ANKRD26: variants seen among roughly 807,000 people sequenced by gnomAD.
ANKRD26 encodes ankyrin repeat domain-containing protein 26.
In ANKRD26, 141 loss-of-function variants were observed where a neutral mutation model predicts 208.7. That is an observed-to-expected ratio of 0.68 (90% CI 0.59 to 0.78). The LOEUF (loss-of-function observed/expected upper bound fraction) is 0.78. ANKRD26 is among the 30% of genes least tolerant of loss of function. The pLI, the probability that ANKRD26 is intolerant of heterozygous loss-of-function variation, is 0.00. For synonymous variants in ANKRD26, 636 were observed against 660.4 expected, an observed-to-expected ratio of 0.96 and a Z score of 0.57; for missense variants, 1,889 against 1,938.7, an observed-to-expected ratio of 0.97 and a Z score of 0.48.
In ANKRD26 at chr10:26,978,772, G is replaced by A. The variant is rs572713385; in HGVS notation, c.*281+1804C>T. Among the ~76,000 whole-genome samples, 37 of 152,134 alleles carry A rather than the reference G, an allele frequency of 2.4e-4. 2 individuals are homozygous for A. Among genetic ancestry groups the A allele is most frequent in the Admixed American group, 2.2e-3 (33 of 15,270 alleles). ...ATGAACAGCAACACAGTTACAATGC[G>A]GCTGCAACACAGTAATCACCGTTGG... On this transcript the variant is annotated intron_variant and NMD_transcript_variant, in intron 5 of 5. Coordinates refer to the ANKRD26 transcript ENST00000674670.
chr10:26,992,115 G>A (rs374657523), intron 5 of ANKRD26: 101 of 152,282 alleles, frequency 6.6e-4, no homozygotes, highest in African/African-American at 2.2e-3. Flanking sequence ...CAAATTGTGA[G>A]GGAGGTATGT....
At position 27,037,222 on chromosome 10, in the gene ANKRD26, C is replaced by T; in HGVS notation, c.2661G>A (p.Lys887=). 1 of 1,613,692 alleles carries T rather than the reference C, an allele frequency of 6.2e-7. No individual in the cohort carries two copies. Among genetic ancestry groups the T allele is most frequent in the Non-Finnish European group, 8.5e-7 (1 of 1,179,742 alleles). The change falls in exon 23 of 34, where the codon AAG becomes AAA. Residue 887 remains lysine, a synonymous_variant. Transcript: ENST00000376087. The part of the protein sequence containing the change: ...GILTNHLSKQ[K]EIEMAQKKMN... ...TTTTCTTTTGAGCCATTTCAATCTC[C>T]TTTTGTTTGGAAAGGTGATTGGTCA...
At chr10:27,098,994 T>C (rs1375623467) in intron 1 of ANKRD26, among the ~76,000 whole-genome samples, 1 of 152,154 alleles carries the variant, frequency 6.6e-6, no homozygotes, top group Non-Finnish European at 1.5e-5. Flanking sequence ...TTCTTTTCTT[T>C]CTTTCTTTTT....
chr10:27,095,561 G>A (rs1051650255), intron 1 of ANKRD26, among the ~76,000 whole-genome samples: 3 of 152,098 alleles, frequency 2.0e-5, no homozygotes, highest in Non-Finnish European at 2.9e-5. Flanking sequence ...CCAGCTACTC[G>A]AGGGGGCTGA....
At chr10:27,047,701 A>ATAATACTACTACTAC (rs1392162204) in intron 17 of ANKRD26, among the ~76,000 whole-genome samples, 14 of 138,898 alleles carry the variant, frequency 1.0e-4, no homozygotes, top group African/African-American at 3.2e-4. Context: ...AACTGTAATA[A>ATAATACTACTACTAC]TACTACTACT....
the ANKRD26 span, among the ~76,000 whole-genome samples, chr10:26,962,943 C>A: frequency 6.6e-6 from 1 of 152,112 alleles, no homozygotes; most frequent in Non-Finnish European, 1.5e-5. Context: ...ACATTCTGGG[C>A]ACTTTTCTAG....
chr10:27,055,356 A>G (rs1387629379), intron 15 of ANKRD26, among the ~76,000 whole-genome samples: 1 of 152,192 alleles, frequency 6.6e-6, no homozygotes, highest in Non-Finnish European at 1.5e-5. Flanking sequence ...ACAAGCATAT[A>G]TATGTATAGG....
At chr10:27,086,643 A>G (rs2056125785) in intron 4 of ANKRD26, 34 bp from the exon 5 acceptor site, 1 of 1,574,656 alleles carries the variant, frequency 6.4e-7, no homozygotes, top group East Asian at 2.3e-5. Flanking sequence ...AATTATGTTA[A>G]TACTGATACA....
chr10:27,061,325 A>C, intron 12 of ANKRD26, 83 bp from the exon 13 acceptor site: 6 of 862,784 alleles, frequency 7.0e-6, no homozygotes, highest in Non-Finnish European at 1.1e-5. Flanking sequence ...ATTAGATATT[A>C]ATAACATTTT....
intron 27 of ANKRD26, among the ~76,000 whole-genome samples, chr10:27,026,709 T>C (rs1319806901): frequency 6.6e-6 from 1 of 152,156 alleles, no homozygotes; most frequent in East Asian, 1.9e-4. Context: ...AGAACATCAA[T>C]AAATAATCAC....
the ANKRD26 span, among the ~76,000 whole-genome samples, chr10:26,947,782 C>A: frequency 6.6e-6 from 1 of 152,084 alleles, no homozygotes; most frequent in Non-Finnish European, 1.5e-5. Flanking sequence ...GTAAAGGGAT[C>A]TTAAAATGAT....
At chr10:26,978,447 C>A (rs1193561990) in intron 5 of ANKRD26, among the ~76,000 whole-genome samples, 3 of 152,022 alleles carry the variant, frequency 2.0e-5, no homozygotes, top group African/African-American at 4.8e-5. Context: ...CAGAGTGAGA[C>A]CCTATCTCAA....
At chr10:27,096,039 C>T (rs1486221845) in intron 1 of ANKRD26, among the ~76,000 whole-genome samples, 13 of 152,272 alleles carry the variant, frequency 8.5e-5, no homozygotes, top group East Asian at 1.9e-4. Context: ...CTATAAACAT[C>T]CAAACATTCT....
downstream of ANKRD26, among the ~76,000 whole-genome samples, chr10:27,001,150 G>A (rs1196688582): frequency 1.3e-5 from 2 of 152,156 alleles, no homozygotes; most frequent in African/African-American, 2.4e-5. Flanking sequence ...ATGGTATATG[G>A]AGTCCTATTC....
chr10:27,100,031 C>T (rs2056595717), intron 1 of ANKRD26, 54 bp downstream of exon 1: 8 of 1,609,622 alleles, frequency 5.0e-6, no homozygotes, highest in Non-Finnish European at 8.5e-7. Context: ...AGGGGCCCCT[C>T]TTCCTGCCCG....
At chr10:27,012,811 CA>C in intron 32 of ANKRD26, 70 bp downstream of exon 32, 2 of 1,489,970 alleles carry the variant, frequency 1.3e-6, no homozygotes, top group Non-Finnish European at 1.9e-6. Flanking sequence ...AACGCTGTCT[CA>C]AAAAAACAAA....
chr10:26,974,360 A>G (rs1401426089), exon 6 of ANKRD26, among the ~76,000 whole-genome samples: 1 of 108,478 alleles, frequency 9.2e-6, no homozygotes, highest in Admixed American at 1.0e-4. Context: ...TTTTTTTTTG[A>G]GATGGAGTCC....
intron 9 of ANKRD26, among the ~76,000 whole-genome samples, chr10:27,073,714 GA>G (rs1589337748): frequency 6.6e-6 from 1 of 152,054 alleles, no homozygotes; most frequent in Non-Finnish European, 1.5e-5. Context: ...AAATACTGGG[GA>G]AAAAAATGTT....
At chr10:26,953,210 AG>A in the ANKRD26 span, among the ~76,000 whole-genome samples, 1 of 152,086 alleles carries the variant, frequency 6.6e-6, no homozygotes, top group Non-Finnish European at 1.5e-5. Context: ...GGTTCATTTG[AG>A]GCCGGGATAT....
Sources: allele counts gnomAD v4.1 joint callset (sites outside exome capture counted in the v4.1 genomes callset), GRCh38; gene constraint gnomAD v4.1.1; transcripts MANE v1.5; gene names NCBI Gene and HGNC (gene_info 2026-07-23, HGNC 2026-07-21).